Variants in DCC observed in about 807,000 individuals in gnomAD.
The protein encoded by DCC is netrin receptor DCC.
DCC carries 58 observed loss-of-function variants against 172.5 expected under a neutral mutation model. That is an observed-to-expected ratio of 0.34 (90% CI 0.27 to 0.42). The LOEUF is 0.42. Among genes scored for constraint, DCC ranks in the 10% least tolerant of loss-of-function variants. The pLI is 1.00. For synonymous variants in DCC, 709 were observed against 644.5 expected (o/e 1.10, Z -1.52); for missense variants, 1,740 against 1,791.0 (o/e 0.97, Z 0.51).
At chr18:52,406,352 C>T (rs979825346) in intron 1 of DCC, among the ~76,000 whole-genome samples, 7 of 150,970 alleles carry the variant, frequency 4.6e-5, no homozygotes, top group East Asian at 3.9e-4. Context: ...AGCTTCTGCA[C>T]GGCAAAAGAA....
At chr18:52,834,009 G>A (rs751436286) in intron 2 of DCC, among the ~76,000 whole-genome samples, 3 of 152,070 alleles carry the variant, frequency 2.0e-5, no homozygotes, top group Non-Finnish European at 2.9e-5. Flanking sequence ...CAGAACTCCC[G>A]GGGCCTATGT....
intron 14 of DCC, among the ~76,000 whole-genome samples, chr18:53,330,912 C>T (rs570074008): frequency 6.6e-6 from 1 of 152,244 alleles, no homozygotes; most frequent in South Asian, 2.1e-4. Context: ...TTGAACTTCT[C>T]GATATTTCAC....
At chr18:52,857,038 C>G (rs1229731472) in intron 2 of DCC, among the ~76,000 whole-genome samples, 1 of 152,154 alleles carries the variant, frequency 6.6e-6, no homozygotes, top group Admixed American at 6.5e-5. Context: ...CTTCTTTTAG[C>G]TTTTCTGCTT....
Position 53,489,596 on chromosome 18 carries a change from C to T in DCC, c.3898+2638C>T, listed in dbSNP as rs34211646. On this transcript the variant is annotated intron_variant, in intron 26 of 28. Transcript: ENST00000442544. ...TATTAAAAGAAAAAGTTGACTTTGCCAAGGTGGAAACTCTTTTTCCTCCAA... is the reference window on the plus strand; with the variant it reads ...TATTAAAAGAAAAAGTTGACTTTGCTAAGGTGGAAACTCTTTTTCCTCCAA... 5.7e-3 allele frequency among the ~76,000 whole-genome samples: 862 copies of T among 152,180 alleles called. 3 individuals are homozygous for T. Among genetic ancestry groups the T allele is most frequent in the Middle Eastern group, 0.037 (11 of 294 alleles).
At chr18:52,595,267 C>T (rs894995323) in intron 1 of DCC, among the ~76,000 whole-genome samples, 5 of 151,496 alleles carry the variant, frequency 3.3e-5, no homozygotes, top group Non-Finnish European at 5.9e-5. Flanking sequence ...TTATTCCATC[C>T]CCAAAGAAGG....
chr18:52,958,260 T>C (rs1294112044), intron 5 of DCC, among the ~76,000 whole-genome samples: 1 of 152,148 alleles, frequency 6.6e-6, no homozygotes, highest in African/African-American at 2.4e-5. Context: ...CTGCATTTTT[T>C]TGTGGTAACA....
intron 2 of DCC, among the ~76,000 whole-genome samples, chr18:52,776,716 A>G (rs2037441583): frequency 6.6e-6 from 1 of 151,200 alleles, no homozygotes; most frequent in African/African-American, 2.4e-5. Context: ...AAACGCACAT[A>G]CATACCAAAA....
At chr18:52,508,185 A>G (rs943472210) in intron 1 of DCC, among the ~76,000 whole-genome samples, 1 of 152,154 alleles carries the variant, frequency 6.6e-6, no homozygotes, top group African/African-American at 2.4e-5. Context: ...GAGAAGAAAG[A>G]TGTCTGCTTT....
intron 1 of DCC, among the ~76,000 whole-genome samples, chr18:52,584,426 T>A (rs1361111210): frequency 6.6e-6 from 1 of 151,794 alleles, no homozygotes; most frequent in Admixed American, 6.6e-5. Flanking sequence ...GAGAGAGAGA[T>A]GGAGAGACAG....
intron 23 of DCC, among the ~76,000 whole-genome samples, chr18:53,452,826 G>T (rs2045431482): frequency 6.6e-6 from 1 of 152,180 alleles, no homozygotes; most frequent in East Asian, 1.9e-4. Flanking sequence ...CCCTTTGTGT[G>T]CATATTTTCA....
At chr18:52,803,825 G>A (rs1273303315) in intron 2 of DCC, among the ~76,000 whole-genome samples, 1 of 152,186 alleles carries the variant, frequency 6.6e-6, no homozygotes, top group Admixed American at 6.5e-5. Flanking sequence ...TAAAAGAATA[G>A]GTAATGACCT....
In DCC at chr18:53,275,534, C is replaced by CACTGTATTTAGTAT. The variant is rs1488236904; in HGVS notation, c.1912-30036_1912-30035insTAGTATACTGTATT. ...CATTTTTTGCTGGCTTCCTTTAGTT[C>CACTGTATTTAGTAT]ACTGTATTACAGTATAACACAGAAA... On this transcript the variant is annotated intron_variant, in intron 12 of 28. Coordinates refer to ENST00000442544, the MANE Select transcript of DCC (RefSeq NM_005215.4). Among the ~76,000 whole-genome samples the CACTGTATTTAGTAT allele has an allele frequency of 2.0e-5, 3 of 152,060 alleles. No homozygotes were observed. The East Asian group carries it at 5.8e-4, about 29-fold the overall frequency.
intron 10 of DCC, among the ~76,000 whole-genome samples, chr18:53,206,339 GTATATATGTATATA>G (rs1568364964): frequency 2.4e-4 from 11 of 46,724 alleles, no homozygotes; most frequent in Admixed American, 1.2e-3. Context: ...ACACATATAT[GTATATATGTATATA>G]TACATATATG....
At chr18:52,354,384 G>A (rs529119825) in intron 1 of DCC, among the ~76,000 whole-genome samples, 1 of 152,304 alleles carries the variant, frequency 6.6e-6, no homozygotes, top group East Asian at 1.9e-4. Flanking sequence ...ATGAGGGGAT[G>A]TTCTAATCGT....
chr18:52,883,180 A>T (rs185619942), intron 2 of DCC, among the ~76,000 whole-genome samples: 1 of 152,060 alleles, frequency 6.6e-6, no homozygotes, highest in Non-Finnish European at 1.5e-5. Context: ...GCAACAGATC[A>T]TTGGGTCTCA....
chr18:52,478,813 G>A (rs1989170550), intron 1 of DCC, among the ~76,000 whole-genome samples: 1 of 152,144 alleles, frequency 6.6e-6, no homozygotes, highest in African/African-American at 2.4e-5. Flanking sequence ...AAGCACTCAT[G>A]AGAAATCCAC....
At chr18:53,243,834 A>G (rs920283074) in intron 12 of DCC, among the ~76,000 whole-genome samples, 4 of 152,194 alleles carry the variant, frequency 2.6e-5, no homozygotes, top group African/African-American at 9.6e-5. Flanking sequence ...AAATGGAAAC[A>G]TAAAAGTCTT....
At chr18:52,512,592 C>A (rs2031481874) in intron 1 of DCC, among the ~76,000 whole-genome samples, 1 of 152,118 alleles carries the variant, frequency 6.6e-6, no homozygotes, top group South Asian at 2.1e-4. Context: ...TGTCATATTT[C>A]TTGAACACCT....
chr18:52,648,480 C>T (rs945175374), intron 1 of DCC, among the ~76,000 whole-genome samples: 1 of 152,064 alleles, frequency 6.6e-6, no homozygotes, highest in Non-Finnish European at 1.5e-5. Context: ...GGAAGCAGAC[C>T]GAAAGCACAT....
Sources: allele counts gnomAD v4.1 joint callset (sites outside exome capture counted in the v4.1 genomes callset), GRCh38; gene constraint gnomAD v4.1.1; transcripts MANE v1.5; gene names NCBI Gene and HGNC (gene_info 2026-07-23, HGNC 2026-07-21).